Variants in SFXN5 observed in about 807,000 individuals in gnomAD.
SFXN5 encodes the protein sideroflexin 5.
In SFXN5, 43 loss-of-function variants were observed where a neutral mutation model predicts 50.2. That is an observed-to-expected ratio of 0.86 (90% CI 0.67 to 1.11). The LOEUF (loss-of-function observed/expected upper bound fraction) is 1.11, where lower values mean the gene tolerates loss of function less well. Ranked by LOEUF, SFXN5 falls within the 50% of genes least tolerant of loss-of-function variation. SFXN5 has a pLI of 0.00. For missense variants in SFXN5, 463 were observed against 454.1 expected (o/e 1.02, Z -0.18); for synonymous variants, 203 against 185.8 (o/e 1.09, Z -0.75).
intron 6 of SFXN5, among the ~76,000 whole-genome samples, chr2:73,018,915 T>C (rs2105812868): frequency 6.6e-6 from 1 of 152,326 alleles, no homozygotes; most frequent in Middle Eastern, 3.4e-3. Context: ...TTACCTGTTT[T>C]AATTTAGCTT....
At position 72,971,616 on chromosome 2, in the gene SFXN5, T is replaced by C; in HGVS notation, c.695A>G (p.Asp232Gly). 1 of 1,614,076 alleles carries C rather than the reference T, an allele frequency of 6.2e-7. No individual in the cohort carries two copies. Among genetic ancestry groups the C allele is most frequent in the Non-Finnish European group, 8.5e-7 (1 of 1,179,996 alleles). The change falls in exon 11 of 14, where the codon GAC becomes GGC. Residue 232 changes from aspartate to glycine, a missense_variant. Asp to Gly is a moderately conservative substitution (Grantham distance 94, BLOSUM62 -1). Coordinates refer to ENST00000272433, the MANE Select transcript of SFXN5 (RefSeq NM_144579.3). The part of the protein sequence containing the change: ...GELEEGIDVL[D>G]SDGNLVGSSK... Reference sequence around the variant, plus strand: ...GGAGCCCACGAGGTTGCCATCGCTGTCCAGGACATCAATCCCTTCCTCCAG... The same window carrying C: ...GGAGCCCACGAGGTTGCCATCGCTGCCCAGGACATCAATCCCTTCCTCCAG...
Position 72,961,033 on chromosome 2 carries a change from G to A in SFXN5, c.945+98C>T. 1 of 861,856 alleles carries A rather than the reference G, an allele frequency of 1.2e-6. No individual in the cohort carries two copies. Among genetic ancestry groups the A allele is most frequent in the Non-Finnish European group, 1.7e-6 (1 of 599,114 alleles). The allele number at this position is 861,856 out of a possible 1,614,324, so 53.4% of individuals were successfully genotyped here. A position where few individuals can be genotyped will look rare whatever the true frequency, so the allele number is the denominator to read the frequency against. On this transcript the variant is annotated intron_variant, in intron 13 of 13. Transcript: ENST00000272433. The surrounding 1 kb of genome is among the most constrained non-coding windows in gnomAD (Gnocchi z 4.4). ...TTCACGGTTCCAGCCCCAGCGCCTA[G>A]CATGGCGCTAAGGAGTCGGCACGGT...
intron 6 of SFXN5, among the ~76,000 whole-genome samples, chr2:73,014,542 T>C (rs1329821156): frequency 6.6e-6 from 1 of 152,212 alleles, no homozygotes; most frequent in Non-Finnish European, 1.5e-5. Flanking sequence ...TGTATTCATG[T>C]AACTTTTCAT....
At chr2:73,057,025 G>A (rs546407713) in intron 2 of SFXN5, among the ~76,000 whole-genome samples, 1 of 152,314 alleles carries the variant, frequency 6.6e-6, no homozygotes, top group East Asian at 1.9e-4. Flanking sequence ...GAATCCAGGT[G>A]TTTATCAACA....
chr2:72,976,100 T>G (rs1458791054), intron 10 of SFXN5, among the ~76,000 whole-genome samples: 4 of 152,246 alleles, frequency 2.6e-5, no homozygotes, highest in African/African-American at 9.6e-5. Flanking sequence ...AATTGGCATA[T>G]GCACATATAT....
rs980870719 is a variant in SFXN5 at position 72,942,152 on chromosome 2, T to G, written c.*2870A>C. 1 of 152,230 alleles carries G rather than the reference T, an allele frequency of 6.6e-6. No individual in the cohort carries two copies. The highest frequency in any genetic ancestry group is 6.5e-5 in the Admixed American group (1 of 15,274). The allele number at this position is 152,230 out of a possible 1,614,324, so 9.4% of individuals were successfully genotyped here. A position where few individuals can be genotyped will look rare whatever the true frequency, so the allele number is the denominator to read the frequency against. On this transcript the variant is annotated 3_prime_UTR_variant, in exon 14 of 14. Coordinates refer to ENST00000272433, the MANE Select transcript of SFXN5 (RefSeq NM_144579.3). Reference sequence around the variant, plus strand: ...AAAGGCCCCTGGGAGTGGCTGAGGCTTGCGTGCGGGGGCCTCACTCTCACT... The same window carrying G: ...AAAGGCCCCTGGGAGTGGCTGAGGCGTGCGTGCGGGGGCCTCACTCTCACT...
intron 1 of SFXN5, among the ~76,000 whole-genome samples, chr2:73,064,406 T>C (rs1263437425): frequency 6.6e-6 from 1 of 152,184 alleles, no homozygotes; most frequent in African/African-American, 2.4e-5. Context: ...GTGTCTATTT[T>C]AAAACCTGCC....
At chr2:73,037,419 C>A (rs1201292613) in intron 3 of SFXN5, among the ~76,000 whole-genome samples, 3 of 152,146 alleles carry the variant, frequency 2.0e-5, no homozygotes, top group African/African-American at 7.2e-5. Context: ...AGAAAACCTA[C>A]GTGTCAGCCT....
At chr2:73,067,906 C>A (rs1318343349) in intron 1 of SFXN5, among the ~76,000 whole-genome samples, 1 of 152,186 alleles carries the variant, frequency 6.6e-6, no homozygotes, top group East Asian at 1.9e-4. Context: ...AGTTTTCTTA[C>A]CCATAAATTG....
chr2:73,003,292 C>T (rs1484228344), intron 6 of SFXN5, among the ~76,000 whole-genome samples: 3 of 152,208 alleles, frequency 2.0e-5, no homozygotes, highest in Non-Finnish European at 2.9e-5. Flanking sequence ...CTACTGAACA[C>T]GGTGTCTTAT....
intron 3 of SFXN5, among the ~76,000 whole-genome samples, chr2:73,024,001 T>C (rs1223495655): frequency 1.3e-5 from 2 of 152,084 alleles, no homozygotes; most frequent in Non-Finnish European, 2.9e-5. Flanking sequence ...ATGTGCCGCA[T>C]ACGAAAGAAA....
intron 3 of SFXN5, among the ~76,000 whole-genome samples, chr2:73,026,646 G>A (rs1397096220): frequency 6.6e-6 from 1 of 152,052 alleles, no homozygotes; most frequent in African/African-American, 2.4e-5. Flanking sequence ...TAAAAGCCTA[G>A]CACAACACCT....
intron 5 of SFXN5, chr2:73,020,898 A>C (rs1019784797): frequency 2.6e-5 from 4 of 152,322 alleles, no homozygotes; most frequent in African/African-American, 7.2e-5. Context: ...CACAGCCCCA[A>C]CTGCTGTCAG....
intron 1 of SFXN5, chr2:73,070,519 ACCC>A (rs992680729): frequency 6.6e-6 from 1 of 152,034 alleles, no homozygotes; most frequent in Non-Finnish European, 1.5e-5. Flanking sequence ...GCTGCCGCCC[ACCC>A]CTGGCAAGCC....
Position 72,961,099 on chromosome 2 carries a change from C to T in SFXN5, c.945+32G>A. The T allele has an allele frequency of 7.0e-7, 1 of 1,429,236 alleles. No homozygotes were observed. Among genetic ancestry groups the T allele is most frequent in the Admixed American group, 2.4e-5 (1 of 42,224 alleles). The allele number at this position is 1,429,236 out of a possible 1,614,324, so 88.5% of individuals were successfully genotyped here. ...GAAATCACCAAACAGCACCCCCTGC[C>T]CTGCCCTGCCCTTGAGCCCCTCCCC... On this transcript the variant is annotated intron_variant, in intron 13 of 13. Transcript: ENST00000272433. The surrounding 1 kb of genome is among the most constrained non-coding windows in gnomAD (Gnocchi z 4.4).
chr2:73,053,174 GA>G (rs879079217), intron 2 of SFXN5, among the ~76,000 whole-genome samples: 128 of 134,238 alleles, frequency 9.5e-4, no homozygotes, highest in African/African-American at 1.3e-3. Flanking sequence ...ACTCTGCCTC[GA>G]AAAAAAAAAA....
Position 72,999,946 on chromosome 2 carries a change from G to T in SFXN5, c.468+485C>A, listed in dbSNP as rs11895641. ...GCTCTCCAAGGAGTGCAGGGGCTCT[G>T]GGGGGGAGTTACCAGCCCTGGACCC... On this transcript the variant is annotated intron_variant, in intron 8 of 13. Coordinates refer to ENST00000272433, the MANE Select transcript of SFXN5 (RefSeq NM_144579.3). Among the ~76,000 whole-genome samples the T allele has an allele frequency of 4.0e-3, 609 of 152,180 alleles. 9 individuals carry two copies. The highest frequency in any genetic ancestry group is 0.014 in the African/African-American group (574 of 41,550).
intron 3 of SFXN5, among the ~76,000 whole-genome samples, chr2:73,023,695 T>A (rs1449134646): frequency 6.6e-6 from 1 of 152,204 alleles, no homozygotes. Flanking sequence ...ATCTGTGGAA[T>A]GGGCATGATA....
At chr2:73,003,088 G>A (rs1230396312) in intron 6 of SFXN5, among the ~76,000 whole-genome samples, 1 of 151,060 alleles carries the variant, frequency 6.6e-6, no homozygotes, top group Non-Finnish European at 1.5e-5. Context: ...CGTAGTTGGG[G>A]CCCCCAGTTA....
Sources: gnomAD v4.1 joint callset for allele counts (sites outside exome capture counted in the v4.1 genomes callset) on GRCh38, gnomAD v4.1.1 for gene constraint, Gnocchi (gnomAD v3.1) non-coding constraint, MANE v1.5 for transcripts, NCBI Gene and HGNC (gene_info 2026-07-23, HGNC 2026-07-21) for gene names.